HECW1: variants seen among roughly 807,000 people sequenced by gnomAD.
HECW1 encodes E3 ubiquitin-protein ligase HECW1.
HECW1 carries 61 observed loss-of-function variants against 182.3 expected under a neutral mutation model. The ratio of observed to expected loss-of-function variants is 0.33; its 90% CI spans 0.27 to 0.41. The LOEUF (loss-of-function observed/expected upper bound fraction) is 0.41. Ranked by LOEUF, HECW1 falls within the 10% of genes least tolerant of loss-of-function variation. HECW1 has a pLI of 1.00. For missense variants in HECW1, 1,739 were observed against 2,108.9 expected (o/e 0.82, Z 3.44); for synonymous variants, 859 against 832.6 (o/e 1.03, Z -0.55).
chr7:43,417,521 G>A (rs2152854504), intron 8 of HECW1, among the ~76,000 whole-genome samples: 1 of 152,104 alleles, frequency 6.6e-6, no homozygotes, highest in East Asian at 1.9e-4. Context: ...TATTTTCACT[G>A]GATATAGAAT....
At chr7:43,296,706 G>A (rs535039181) in intron 3 of HECW1, among the ~76,000 whole-genome samples, 1 of 152,284 alleles carries the variant, frequency 6.6e-6, no homozygotes, top group East Asian at 1.9e-4. Context: ...AAAAAAGTAA[G>A]GCTGATGAGT....
intron 8 of HECW1, among the ~76,000 whole-genome samples, chr7:43,435,651 C>CT (rs1463541863): frequency 2.0e-5 from 3 of 152,122 alleles, no homozygotes; most frequent in African/African-American, 7.2e-5. Flanking sequence ...AGGGGGAGCT[C>CT]TTTTTGCCTC....
In HECW1 at chr7:43,463,760, G is replaced by C; in HGVS notation, c.2752G>C (p.Gly918Arg). 1 of 1,614,058 alleles carries C rather than the reference G, an allele frequency of 6.2e-7. No homozygotes were observed. The highest frequency in any genetic ancestry group is 8.5e-7 in the Non-Finnish European group (1 of 1,180,016). ...CCCAGCAGGAGGAGGCGGAGGTGGAGGGAGTGACTCAGAAGCCGAATCTTC... is the reference window on the plus strand; with the variant it reads ...CCCAGCAGGAGGAGGCGGAGGTGGACGGAGTGACTCAGAAGCCGAATCTTC... Reference protein sequence around the residue: ...QAPAGGGGGGGSDSEAESSQS... With the variant: ...QAPAGGGGGGRSDSEAESSQS... The change falls in exon 14 of 30, where the codon GGG becomes CGG. Residue 918 changes from glycine (G) to arginine (R), a missense_variant. By Grantham distance (125) the Gly-to-Arg change is moderately radical. This residue lies in a region of HECW1 where 971 missense variants were observed against 1,029.1 expected (regional missense o/e 0.94). Coordinates refer to ENST00000395891, the MANE Select transcript of HECW1 (RefSeq NM_015052.5).
intron 24 of HECW1, among the ~76,000 whole-genome samples, chr7:43,534,901 A>AT (rs2081120869): frequency 6.6e-6 from 1 of 152,200 alleles, no homozygotes; most frequent in Admixed American, 6.5e-5. Flanking sequence ...GAAACTAGAC[A>AT]TGCCAGTCTA....
At chr7:43,352,839 A>G (rs776393385) in intron 5 of HECW1, among the ~76,000 whole-genome samples, 13 of 152,178 alleles carry the variant, frequency 8.5e-5, no homozygotes, top group Non-Finnish European at 1.8e-4. Flanking sequence ...AATTTAAGTC[A>G]TTGCTTTTAA....
At position 43,445,157 on chromosome 7, in the gene HECW1, C is replaced by T. The variant is rs983774784; in HGVS notation, c.1985C>T (p.Pro662Leu). The change falls in exon 11 of 30, where the codon CCC becomes CTC. Residue 662 changes from proline (P) to leucine (L), a missense_variant. This residue lies in a region of HECW1 where 971 missense variants were observed against 1,029.1 expected (regional missense o/e 0.94). Coordinates refer to ENST00000395891, the MANE Select transcript of HECW1 (RefSeq NM_015052.5). ...ACCGGGAGCGAGAGCGACTCCAGCC[C>T]CAGGCAAGGCGGGGACCACAGTTGC... The part of the protein sequence containing the change: ...PSTGSESDSS[P>L]RQGGDHSCEG... 1 of 1,611,138 alleles carries T rather than the reference C, an allele frequency of 6.2e-7. No individual in the cohort carries two copies. Among genetic ancestry groups the T allele is most frequent in the Middle Eastern group, 1.7e-4 (1 of 6,054 alleles).
chr7:43,550,675 CAGCAG>C, intron 27 of HECW1, 84 bp downstream of exon 27: 1 of 1,361,820 alleles, frequency 7.3e-7, no homozygotes, highest in Non-Finnish European at 1.0e-6. Flanking sequence ...CCTGAGGGAG[CAGCAG>C]CTCAGGTGGT....
At chr7:43,427,864 C>T (rs2076410998) in intron 8 of HECW1, among the ~76,000 whole-genome samples, 1 of 152,160 alleles carries the variant, frequency 6.6e-6, no homozygotes, top group Non-Finnish European at 1.5e-5. Flanking sequence ...GCATTGAATC[C>T]TTCTCACATT....
chr7:43,264,793 G>C (rs1201969099), intron 3 of HECW1, among the ~76,000 whole-genome samples: 1 of 147,838 alleles, frequency 6.8e-6, no homozygotes, highest in Admixed American at 6.8e-5. Flanking sequence ...GCAGTGAGCC[G>C]AGATCGCACC....
intron 2 of HECW1, chr7:43,121,792 C>T (rs1411013093): frequency 1.3e-5 from 2 of 152,126 alleles, no homozygotes; most frequent in Non-Finnish European, 2.9e-5. Context: ...CTTCACTCTC[C>T]TGTCTTTCAG....
At chr7:43,419,943 C>T (rs2076128800) in intron 8 of HECW1, among the ~76,000 whole-genome samples, 1 of 152,158 alleles carries the variant, frequency 6.6e-6, no homozygotes, top group Admixed American at 6.5e-5. Flanking sequence ...TGTATTTGTC[C>T]CGATTGGCTA....
chr7:43,481,262 T>G (rs992572525), intron 17 of HECW1, among the ~76,000 whole-genome samples: 7 of 152,170 alleles, frequency 4.6e-5, no homozygotes, highest in African/African-American at 1.4e-4. Context: ...AAGTACAAGG[T>G]GGGTTGTCTT....
Position 43,417,100 on chromosome 7 carries a change from G to C in HECW1, c.801+9369G>C, listed in dbSNP as rs988863340. ...AGTTTCACTCTGGTCGCCCAGGCTG[G>C]AGTGCAATGGCGCAATCTCGGCTCA... is the stretch of plus-strand genomic sequence containing the variant. On this transcript the variant is annotated intron_variant, in intron 8 of 29. Coordinates refer to ENST00000395891, the MANE Select transcript of HECW1 (RefSeq NM_015052.5). 2.6e-5 allele frequency among the ~76,000 whole-genome samples: 4 copies of C among 152,278 alleles called. No individual in the cohort carries two copies. The East Asian group carries it at 7.7e-4, about 29-fold the overall frequency.
At chr7:43,262,247 C>CGT (rs10695541) in intron 3 of HECW1, among the ~76,000 whole-genome samples, 3,533 of 149,562 alleles carry the variant, frequency 0.024, 48 homozygotes, top group Non-Finnish European at 0.037. Flanking sequence ...TGTATGTGTG[C>CGT]GTGTGTGTGT....
intron 2 of HECW1, among the ~76,000 whole-genome samples, chr7:43,224,197 A>G (rs1184081018): frequency 2.6e-5 from 4 of 152,254 alleles, no homozygotes; most frequent in African/African-American, 9.6e-5. Context: ...TGTATTTGCT[A>G]TTCCAAAGAA....
chr7:43,153,869 G>A (rs547019742), intron 2 of HECW1, among the ~76,000 whole-genome samples: 2 of 152,298 alleles, frequency 1.3e-5, no homozygotes, highest in South Asian at 4.2e-4. Flanking sequence ...ATTAGAACAA[G>A]GCACTTCTAG....
intron 2 of HECW1, among the ~76,000 whole-genome samples, chr7:43,137,072 G>A (rs1787619012): frequency 6.6e-6 from 1 of 152,150 alleles, no homozygotes; most frequent in Non-Finnish European, 1.5e-5. Flanking sequence ...AGACACAGAT[G>A]TATCACCCAA....
intron 10 of HECW1, among the ~76,000 whole-genome samples, chr7:43,443,999 G>A (rs527790316): frequency 2.1e-4 from 32 of 152,182 alleles, no homozygotes; most frequent in Middle Eastern, 3.4e-3. Context: ...ATCGTATTTC[G>A]GAAATATATC....
At chr7:43,354,054 T>C (rs1003369457) in intron 5 of HECW1, among the ~76,000 whole-genome samples, 1 of 152,098 alleles carries the variant, frequency 6.6e-6, no homozygotes, top group African/African-American at 2.4e-5. Context: ...GATTGTTTAC[T>C]AGAAGTGAGG....
Sources: allele counts gnomAD v4.1 joint callset (sites outside exome capture counted in the v4.1 genomes callset), GRCh38; gene constraint gnomAD v4.1.1; regional missense constraint gnomAD v4.1.1; transcripts MANE v1.5; gene names NCBI Gene and HGNC (gene_info 2026-07-23, HGNC 2026-07-21).